CADM2: variants seen among roughly 807,000 people sequenced by gnomAD.
CADM2 encodes the protein immunoglobulin superfamily member 4D.
A neutral mutation model predicts 49.8 loss-of-function variants in CADM2; 12 were observed. The observed-to-expected ratio is 0.24, with a 90% confidence interval of 0.15 to 0.39. CADM2 has a LOEUF of 0.39. Among genes scored for constraint, CADM2 ranks in the 10% least tolerant of loss-of-function variants. The probability of loss-of-function intolerance (pLI) is 1.00; values close to 1 mark genes in which losing one functional copy is unlikely to be tolerated. For missense variants in CADM2, 378 were observed against 492.3 expected (o/e 0.77, Z 2.20); for synonymous variants, 214 against 175.4 (o/e 1.22, Z -1.74).
At chr3:85,408,679 C>T (rs2035517244) in intron 1 of CADM2, among the ~76,000 whole-genome samples, 1 of 152,194 alleles carries the variant, frequency 6.6e-6, no homozygotes, top group South Asian at 2.1e-4. Flanking sequence ...GATGCTCTCT[C>T]TGCAGCGGGG....
At chr3:85,831,512 A>G (rs535996265) in intron 3 of CADM2, among the ~76,000 whole-genome samples, 1 of 152,110 alleles carries the variant, frequency 6.6e-6, no homozygotes, top group Non-Finnish European at 1.5e-5. Context: ...TGACTTTTTA[A>G]TACTAACCAT....
intron 1 of CADM2, among the ~76,000 whole-genome samples, chr3:85,324,937 C>T (rs963013142): frequency 1.3e-5 from 2 of 152,166 alleles, no homozygotes; most frequent in African/African-American, 4.8e-5. Flanking sequence ...CTTTCTCCTG[C>T]CAGCTCTGCA....
intron 1 of CADM2, among the ~76,000 whole-genome samples, chr3:85,503,814 A>G (rs929848197): frequency 2.0e-5 from 3 of 152,236 alleles, no homozygotes; most frequent in Non-Finnish European, 4.4e-5. Flanking sequence ...AAGCAACACA[A>G]TGAATGACTT....
intron 1 of CADM2, among the ~76,000 whole-genome samples, chr3:85,651,151 G>A (rs2065031705): frequency 6.6e-6 from 1 of 151,946 alleles, no homozygotes; most frequent in South Asian, 2.1e-4. Flanking sequence ...TAGCTTGAGT[G>A]TAGAATTATT....
intron 1 of CADM2, among the ~76,000 whole-genome samples, chr3:85,688,471 A>G (rs929890624): frequency 6.6e-6 from 1 of 152,036 alleles, no homozygotes; most frequent in Non-Finnish European, 1.5e-5. Context: ...GTTGGAGAAG[A>G]TGTTGAGGCA....
chr3:85,191,696 ATAAG>A (rs1367419501), intron 1 of CADM2, among the ~76,000 whole-genome samples: 2 of 152,156 alleles, frequency 1.3e-5, no homozygotes, highest in Non-Finnish European at 2.9e-5. Context: ...AAACAAAGGA[ATAAG>A]TGAGTGTATT....
intron 1 of CADM2, among the ~76,000 whole-genome samples, chr3:85,424,785 G>T (rs1301131669): frequency 6.6e-6 from 1 of 151,970 alleles, no homozygotes; most frequent in African/African-American, 2.4e-5. Context: ...TATCATTTTT[G>T]TGACTAAATT....
intron 7 of CADM2, among the ~76,000 whole-genome samples, chr3:85,936,859 T>C (rs570680019): frequency 2.0e-5 from 3 of 151,942 alleles, no homozygotes; most frequent in Admixed American, 1.3e-4. Flanking sequence ...ACCACAGTTT[T>C]GATATTTTTA....
In CADM2 at chr3:86,014,212, G is replaced by A. The variant is rs559622265; in HGVS notation, c.971-51393G>A. On this transcript the variant is annotated intron_variant, in intron 8 of 9. Coordinates refer to ENST00000383699, the MANE Select transcript of CADM2 (RefSeq NM_001167675.2). ...ATAAATAGTGACACAAATATTAGAT[G>A]GAGTAACTGTGTAGCTGGCAGAGCA... 48 of 1,288,874 alleles carry A rather than the reference G, an allele frequency of 3.7e-5. No homozygotes were observed. The African/African-American group carries it at 6.7e-4, about 18-fold the overall frequency. 79.8% of individuals were successfully genotyped at this position (1,288,874 alleles called of 1,614,324 possible).
intron 2 of CADM2, among the ~76,000 whole-genome samples, chr3:85,769,496 CATATATGTATATAT>C (rs2069917792): frequency 2.0e-5 from 1 of 51,222 alleles, no homozygotes. Flanking sequence ...TACATATATA[CATATATGTATATAT>C]ACACGTATAT....
rs769457468 is a variant in CADM2 at position 85,786,309 on chromosome 3, G to A, written c.89-15738G>A. Among the ~76,000 whole-genome samples the A allele has an allele frequency of 6.4e-4, 97 of 152,040 alleles. 1 individual carries two copies. The highest frequency in any genetic ancestry group is 1.8e-4 in the Non-Finnish European group (12 of 67,958). On this transcript the variant is annotated intron_variant, in intron 2 of 9. Transcript: ENST00000383699. ...TAATTCTCAGTTTGCTTTATCAGAAGTATAATTTCTTTAGCAAATTTATCT... is the reference window on the plus strand; with the variant it reads ...TAATTCTCAGTTTGCTTTATCAGAAATATAATTTCTTTAGCAAATTTATCT...
intron 7 of CADM2, among the ~76,000 whole-genome samples, chr3:85,936,170 C>T (rs1197273914): frequency 6.6e-6 from 1 of 151,468 alleles, no homozygotes; most frequent in Non-Finnish European, 1.5e-5. Flanking sequence ...AGCAGCACAC[C>T]GTTGAATTCA....
intron 1 of CADM2, among the ~76,000 whole-genome samples, chr3:84,994,795 C>A (rs1314305943): frequency 6.6e-6 from 1 of 151,900 alleles, no homozygotes; most frequent in African/African-American, 2.4e-5. Context: ...TTAGGAGGCC[C>A]AGGTGGCCAG....
At chr3:85,005,706 A>T (rs1258496954) in intron 1 of CADM2, among the ~76,000 whole-genome samples, 4 of 151,662 alleles carry the variant, frequency 2.6e-5, no homozygotes, top group African/African-American at 4.8e-5. Context: ...AAAAAAATAC[A>T]GTTTTTTTTT....
At chr3:85,193,928 A>C (rs1287014601) in intron 1 of CADM2, among the ~76,000 whole-genome samples, 1 of 152,098 alleles carries the variant, frequency 6.6e-6, no homozygotes, top group East Asian at 1.9e-4. Context: ...GACCCTGTTT[A>C]ATTTAAAGTC....
At chr3:85,311,101 T>G (rs1301209460) in intron 1 of CADM2, among the ~76,000 whole-genome samples, 1 of 152,068 alleles carries the variant, frequency 6.6e-6, no homozygotes, top group Non-Finnish European at 1.5e-5. Context: ...CATTTTCTTC[T>G]CCCTCAAATT....
intron 1 of CADM2, among the ~76,000 whole-genome samples, chr3:85,184,182 A>T (rs1437036485): frequency 6.6e-6 from 1 of 152,136 alleles, no homozygotes; most frequent in Non-Finnish European, 1.5e-5. Context: ...AAATGAAAAA[A>T]AATTGATTTT....
At chr3:85,876,605 C>A (rs1018915041) in intron 3 of CADM2, among the ~76,000 whole-genome samples, 3 of 152,096 alleles carry the variant, frequency 2.0e-5, no homozygotes, top group African/African-American at 7.2e-5. Context: ...ATGATTTAAG[C>A]ATTCTAAAAT....
intron 2 of CADM2, among the ~76,000 whole-genome samples, chr3:85,801,354 T>A (rs2072022840): frequency 6.6e-6 from 1 of 152,134 alleles, no homozygotes; most frequent in Admixed American, 6.6e-5. Context: ...AAAAGAAATA[T>A]GTATTACTTG....
Sources: gnomAD v4.1 joint callset for allele counts (sites outside exome capture counted in the v4.1 genomes callset) on GRCh38, gnomAD v4.1.1 for gene constraint, MANE v1.5 for transcripts, NCBI Gene and HGNC (gene_info 2026-07-23, HGNC 2026-07-21) for gene names.